RALY: variants seen among roughly 807,000 people sequenced by gnomAD.
RALY encodes RNA-binding protein Raly.
A neutral mutation model predicts 30.7 loss-of-function variants in RALY; 15 were observed. The ratio of observed to expected loss-of-function variants is 0.49; its 90% CI spans 0.33 to 0.75. The LOEUF is 0.75. Ranked by LOEUF, RALY falls within the 30% of genes least tolerant of loss-of-function variation. RALY has a pLI of 0.02. For synonymous variants in RALY, 177 were observed against 170.8 expected (o/e 1.04, Z -0.28); for missense variants, 339 against 414.3 (o/e 0.82, Z 1.58).
intron 2 of RALY, among the ~76,000 whole-genome samples, chr20:34,069,853 C>T (rs143596623): frequency 4.8e-4 from 73 of 152,338 alleles, no homozygotes; most frequent in African/African-American, 1.7e-3. Context: ...CTGGCACCAG[C>T]CCCTTCATCA....
intron 1 of RALY, among the ~76,000 whole-genome samples, chr20:34,008,927 G>A (rs968481902): frequency 6.6e-6 from 1 of 152,078 alleles, no homozygotes. Flanking sequence ...CGAAAGTGTT[G>A]GGATTATGTG....
intron 2 of RALY, among the ~76,000 whole-genome samples, chr20:34,064,565 A>G (rs562377161): frequency 6.6e-6 from 1 of 152,214 alleles, no homozygotes; most frequent in South Asian, 2.1e-4. Context: ...ACCTTTGTGA[A>G]GTTTCTAGGT....
chr20:34,060,380 A>C (rs912941421), intron 2 of RALY, among the ~76,000 whole-genome samples: 1 of 152,228 alleles, frequency 6.6e-6, no homozygotes, highest in Non-Finnish European at 1.5e-5. Context: ...CAGCCAGTTA[A>C]GTATCTGCAG....
chr20:34,055,210 T>G (rs1172808531), intron 2 of RALY, among the ~76,000 whole-genome samples: 2 of 152,214 alleles, frequency 1.3e-5, no homozygotes, highest in African/African-American at 2.4e-5. Flanking sequence ...ATTGTGACCT[T>G]GATATAATTC....
At chr20:33,998,982 T>G (rs2030775182) in intron 1 of RALY, among the ~76,000 whole-genome samples, 1 of 150,932 alleles carries the variant, frequency 6.6e-6, no homozygotes, top group Admixed American at 6.6e-5. Flanking sequence ...AAAAAAAAAT[T>G]AGTCGGGTGT....
chr20:34,056,392 A>C (rs996849315), intron 2 of RALY, among the ~76,000 whole-genome samples: 4 of 152,288 alleles, frequency 2.6e-5, no homozygotes, highest in South Asian at 2.1e-4. Flanking sequence ...CATGCCTCCA[A>C]GTTCCTAGTT....
Position 34,019,877 on chromosome 20 carries a change from C to G in RALY, c.-92-11645C>G, listed in dbSNP as rs6059632. On this transcript the variant is annotated intron_variant, in intron 1 of 9. Transcript: ENST00000246194. ...GAGATCGAGACCATCCCGGCTAAAA[C>G]GGTGAAACCCCGTCTCTACTAAAAA... Among the ~76,000 whole-genome samples the G allele has an allele frequency of 6.9e-3, 1,053 of 152,054 alleles. 12 individuals carry two copies. The highest frequency in any genetic ancestry group is 0.023 in the African/African-American group (951 of 41,440).
intron 2 of RALY, among the ~76,000 whole-genome samples, chr20:34,060,931 A>G (rs965167658): frequency 2.0e-5 from 3 of 152,214 alleles, no homozygotes; most frequent in Non-Finnish European, 4.4e-5. Context: ...AGAGCTACTC[A>G]ATTTGCCCAG....
At chr20:34,021,348 C>T (rs1371831967) in intron 1 of RALY, among the ~76,000 whole-genome samples, 1 of 152,162 alleles carries the variant, frequency 6.6e-6, no homozygotes, top group African/African-American at 2.4e-5. Flanking sequence ...GTTTGTTTGG[C>T]TCATGCTTCT....
chr20:34,028,470 C>T (rs1195330336), intron 1 of RALY, among the ~76,000 whole-genome samples: 2 of 151,508 alleles, frequency 1.3e-5, no homozygotes, highest in East Asian at 2.0e-4. Context: ...TTTGGGAGGC[C>T]GAGGCGGGCG....
chr20:34,001,459 A>C (rs974321716), intron 1 of RALY, among the ~76,000 whole-genome samples: 15 of 152,312 alleles, frequency 9.8e-5, no homozygotes, highest in Non-Finnish European at 2.1e-4. Context: ...TATTCCAAGT[A>C]AATATTCTCT....
intron 1 of RALY, among the ~76,000 whole-genome samples, chr20:34,021,437 G>T (rs1187406561): frequency 6.6e-6 from 1 of 152,142 alleles, no homozygotes; most frequent in East Asian, 1.9e-4. Flanking sequence ...CTGGCAGAAG[G>T]CATCACATGG....
At chr20:34,079,170 C>G (rs886144359) in intron 9 of RALY, among the ~76,000 whole-genome samples, 3 of 152,192 alleles carry the variant, frequency 2.0e-5, no homozygotes, top group Non-Finnish European at 4.4e-5. Flanking sequence ...AGGAAATGCC[C>G]TGTGTGACAG....
intron 1 of RALY, among the ~76,000 whole-genome samples, chr20:34,010,021 C>T (rs1450415688): frequency 6.6e-6 from 1 of 152,064 alleles, no homozygotes; most frequent in Non-Finnish European, 1.5e-5. Flanking sequence ...CTTTTGGTGC[C>T]CTTATTGGCT....
At chr20:34,025,704 T>C (rs73257740) in intron 1 of RALY, among the ~76,000 whole-genome samples, 5 of 151,506 alleles carry the variant, frequency 3.3e-5, no homozygotes, top group African/African-American at 9.7e-5. Flanking sequence ...AAAAAAAAAA[T>C]TGTTTTACAA....
intron 2 of RALY, among the ~76,000 whole-genome samples, chr20:34,070,453 TAG>T (rs2033695604): frequency 6.6e-6 from 1 of 152,120 alleles, no homozygotes; most frequent in Non-Finnish European, 1.5e-5. Context: ...GGCCAGAATA[TAG>T]AGAGCAAAGG....
chr20:34,006,362 T>C (rs1368729285), intron 1 of RALY, among the ~76,000 whole-genome samples: 1 of 152,242 alleles, frequency 6.6e-6, no homozygotes, highest in Admixed American at 6.5e-5. Flanking sequence ...AAAACAATTA[T>C]AATGCCATTA....
At position 34,075,728 on chromosome 20, in the gene RALY, A is replaced by G. The variant is rs961910141; in HGVS notation, c.378-146A>G. On this transcript the variant is annotated intron_variant, in intron 5 of 9. Coordinates refer to ENST00000246194, the MANE Select transcript of RALY (RefSeq NM_016732.3). The stretch of plus-strand genomic sequence containing the variant: ...AGGGTCCGGCAAGCCCTTCCTCTTC[A>G]CTCCAGGGCTTGCTAGGAGCCAGCA... The G allele has an allele frequency of 1.5e-5, 13 of 884,974 alleles. No individual in the cohort carries two copies. In the African/African-American group the frequency reaches 2.0e-4, roughly 14 times the overall value. The allele number at this position is 884,974 out of a possible 1,614,324, so 54.8% of individuals were successfully genotyped here.
intron 2 of RALY, among the ~76,000 whole-genome samples, chr20:34,039,637 A>G (rs1299507372): frequency 6.6e-6 from 1 of 152,142 alleles, no homozygotes; most frequent in African/African-American, 2.4e-5. Flanking sequence ...TCCTGAAACT[A>G]TGATTTCAGG....
Sources: gnomAD v4.1 joint callset for allele counts (sites outside exome capture counted in the v4.1 genomes callset) on GRCh38, gnomAD v4.1.1 for gene constraint, MANE v1.5 for transcripts, NCBI Gene and HGNC (gene_info 2026-07-23, HGNC 2026-07-21) for gene names.